Variants in OLFM3 observed in about 807,000 individuals in gnomAD.
OLFM3 encodes noelin-3.
In OLFM3, 20 loss-of-function variants were observed where a neutral mutation model predicts 48.6. The ratio of observed to expected loss-of-function variants is 0.41; its 90% CI spans 0.29 to 0.60. OLFM3 has a LOEUF of 0.60. Ranked by LOEUF, OLFM3 falls within the 20% of genes least tolerant of loss-of-function variation. OLFM3 has a pLI of 0.28. For missense variants in OLFM3, 437 were observed against 544.3 expected (o/e 0.80, Z 1.96); for synonymous variants, 222 against 198.1 (o/e 1.12, Z -1.01).
intron 1 of OLFM3, among the ~76,000 whole-genome samples, chr1:101,967,646 C>G (rs1660655252): frequency 7.6e-6 from 1 of 132,166 alleles, no homozygotes; most frequent in Admixed American, 7.9e-5. Context: ...GAATGAACAC[C>G]AATCATTTTA....
chr1:101,891,526 G>T (rs1657998375), intron 1 of OLFM3, among the ~76,000 whole-genome samples: 3 of 151,734 alleles, frequency 2.0e-5, no homozygotes, highest in Admixed American at 6.6e-5. Context: ...GCATGGTTTT[G>T]TTTGTTTTCT....
At chr1:101,893,529 C>G (rs1332067993) in intron 1 of OLFM3, 1 of 285,682 alleles carries the variant, frequency 3.5e-6, no homozygotes, top group Admixed American at 3.7e-5. Flanking sequence ...AAAACCAGGA[C>G]TGGAGCCAGG....
intron 3 of OLFM3, among the ~76,000 whole-genome samples, chr1:101,830,157 A>G (rs1249865404): frequency 2.0e-5 from 3 of 152,278 alleles, no homozygotes; most frequent in South Asian, 4.1e-4. Flanking sequence ...CTTAAAATTC[A>G]TAACTCTTTC....
chr1:101,991,456 A>G (rs542553738), intron 1 of OLFM3, among the ~76,000 whole-genome samples: 2 of 151,950 alleles, frequency 1.3e-5, no homozygotes, highest in Non-Finnish European at 2.9e-5. Context: ...TTCTTTATAC[A>G]TTTTCTTAGT....
rs1659275170 is a variant in OLFM3, at chr1:101,926,513, G to A, written c.69+70235C>T. The stretch of plus-strand genomic sequence containing the variant: ...AGTCTTTAGGAAAAGTCTCCATCTT[G>A]CAATTAAACTGTCTTGTGACTTTGG... On this transcript the variant is annotated intron_variant, in intron 1 of 5. Transcript: ENST00000370103. Among the ~76,000 whole-genome samples the A allele has an allele frequency of 3.9e-5, 6 of 152,174 alleles. No individual in the cohort carries two copies. In the South Asian group the frequency reaches 1.2e-3, roughly 31 times the overall value.
intron 1 of OLFM3, among the ~76,000 whole-genome samples, chr1:101,929,131 A>T (rs1170194741): frequency 6.6e-6 from 1 of 152,150 alleles, no homozygotes; most frequent in Non-Finnish European, 1.5e-5. Flanking sequence ...ATGGATTTCT[A>T]GCAGCAGCAA....
chr1:101,850,352 T>C (rs973375027), intron 1 of OLFM3, among the ~76,000 whole-genome samples: 2 of 152,130 alleles, frequency 1.3e-5, no homozygotes, highest in Admixed American at 6.5e-5. Context: ...AGCCTGTCCT[T>C]TTTATTACCC....
chr1:101,943,263 G>GAAA (rs1659849690), intron 1 of OLFM3, among the ~76,000 whole-genome samples: 1 of 152,182 alleles, frequency 6.6e-6, no homozygotes, highest in Non-Finnish European at 1.5e-5. Context: ...AGGGTTTCTT[G>GAAA]AAAAAGAAGA....
chr1:101,979,683 T>G (rs1209224012), intron 1 of OLFM3, among the ~76,000 whole-genome samples: 2 of 152,196 alleles, frequency 1.3e-5, no homozygotes, highest in African/African-American at 4.8e-5. Context: ...ATGGAAAACC[T>G]CTGCTAGGGC....
intron 1 of OLFM3, among the ~76,000 whole-genome samples, chr1:101,971,617 G>C (rs1177118324): frequency 6.6e-6 from 1 of 152,092 alleles, no homozygotes; most frequent in Admixed American, 6.6e-5. Context: ...ATATTTAATT[G>C]GGTATATGGT....
At chr1:101,933,641 C>A (rs1343719806) in intron 1 of OLFM3, among the ~76,000 whole-genome samples, 2 of 151,856 alleles carry the variant, frequency 1.3e-5, no homozygotes, top group Non-Finnish European at 2.9e-5. Flanking sequence ...AGAAGACAAC[C>A]ATCTCTAAGG....
chr1:101,882,323 A>G (rs1657563669), intron 1 of OLFM3, among the ~76,000 whole-genome samples: 2 of 99,710 alleles, frequency 2.0e-5, no homozygotes, highest in Non-Finnish European at 4.6e-5. Flanking sequence ...GTGCATATAT[A>G]TATATATAAT....
At chr1:101,809,893 C>T (rs577133353) in intron 4 of OLFM3, among the ~76,000 whole-genome samples, 4 of 151,876 alleles carry the variant, frequency 2.6e-5, no homozygotes, top group Non-Finnish European at 1.5e-5. Context: ...ATAAACATTG[C>T]TATAATAATG....
chr1:101,892,360 G>A (rs1658033209), intron 1 of OLFM3, among the ~76,000 whole-genome samples: 1 of 151,910 alleles, frequency 6.6e-6, no homozygotes, highest in Non-Finnish European at 1.5e-5. Flanking sequence ...TCAAATTTAA[G>A]CTTCTATACA....
intron 1 of OLFM3, among the ~76,000 whole-genome samples, chr1:101,943,404 A>G (rs1270866455): frequency 1.3e-5 from 2 of 152,230 alleles, no homozygotes; most frequent in African/African-American, 2.4e-5. Context: ...TTTGCAATAA[A>G]TATCTTACAT....
chr1:101,984,512 C>T (rs1046396664), intron 1 of OLFM3, among the ~76,000 whole-genome samples: 1 of 152,096 alleles, frequency 6.6e-6, no homozygotes, highest in Non-Finnish European at 1.5e-5. Context: ...ATTCTCCTGC[C>T]TCAGCATCCC....
chr1:101,861,292 C>T (rs2100963192), intron 1 of OLFM3, among the ~76,000 whole-genome samples: 1 of 150,738 alleles, frequency 6.6e-6, no homozygotes, highest in Non-Finnish European at 1.5e-5. Flanking sequence ...GAACTCCTGA[C>T]CTCAAGTGAT....
chr1:101,917,430 A>ATATC (rs999494919), intron 1 of OLFM3, among the ~76,000 whole-genome samples: 17 of 152,154 alleles, frequency 1.1e-4, no homozygotes, highest in African/African-American at 4.1e-4. Context: ...ATATATATAT[A>ATATC]TTTTGAGACT....
intron 2 of OLFM3, among the ~76,000 whole-genome samples, chr1:101,833,424 A>T (rs1570538078): frequency 6.6e-6 from 1 of 152,358 alleles, no homozygotes; most frequent in Non-Finnish European, 1.5e-5. Flanking sequence ...CCTACAGAGC[A>T]TCAGTTTCCT....
Sources: allele counts gnomAD v4.1 joint callset (sites outside exome capture counted in the v4.1 genomes callset), GRCh38; gene constraint gnomAD v4.1.1; transcripts MANE v1.5; gene names NCBI Gene and HGNC (gene_info 2026-07-23, HGNC 2026-07-21).